Variants in SRBD1 observed in about 807,000 individuals in gnomAD.
SRBD1 encodes the protein S1 RNA-binding domain-containing protein 1.
Under a neutral mutation model 115.3 loss-of-function variants are expected in SRBD1, and 88 were observed. The ratio of observed to expected loss-of-function variants is 0.76; its 90% CI spans 0.64 to 0.91. SRBD1 has a LOEUF of 0.91. SRBD1 is among the 40% of genes least tolerant of loss of function. The pLI, the probability that SRBD1 is intolerant of heterozygous loss-of-function variation, is 0.00. For synonymous variants in SRBD1, 509 were observed against 407.7 expected, an observed-to-expected ratio of 1.25 and a Z score of -2.99; for missense variants, 1,385 against 1,177.4, an observed-to-expected ratio of 1.18 and a Z score of -2.58.
intron 14 of SRBD1, among the ~76,000 whole-genome samples, chr2:45,517,694 TTA>T (rs1180867219): frequency 6.6e-6 from 1 of 152,134 alleles, no homozygotes; most frequent in African/African-American, 2.4e-5. Context: ...TGATAACAAT[TTA>T]TGTCTAGATA....
chr2:45,486,440 G>A (rs181712699), intron 15 of SRBD1, among the ~76,000 whole-genome samples: 1 of 152,034 alleles, frequency 6.6e-6, no homozygotes, highest in Non-Finnish European at 1.5e-5. Context: ...TTTAGAAGTG[G>A]GGATAGGCTG....
intron 10 of SRBD1, among the ~76,000 whole-genome samples, chr2:45,559,939 G>A (rs1572776717): frequency 6.6e-6 from 1 of 151,948 alleles, no homozygotes; most frequent in African/African-American, 2.4e-5. Flanking sequence ...AATTTAGCTG[G>A]GTGTGGTGGT....
At position 45,432,298 on chromosome 2, in the gene SRBD1, G is replaced by C. The variant is rs186842354; in HGVS notation, c.2050-12404C>G. ...CCCACCTCAGCCTCCCAAAGTGCTG[G>C]GATTACAGGTGTGAGCCACTGCGCC... On this transcript the variant is annotated intron_variant, in intron 16 of 20. Transcript: ENST00000263736. 1.8e-3 allele frequency among the ~76,000 whole-genome samples: 268 copies of C among 152,116 alleles called. 2 individuals are homozygous for C. Among genetic ancestry groups the C allele is most frequent in the African/African-American group, 5.4e-3 (222 of 41,486 alleles).
intron 14 of SRBD1, among the ~76,000 whole-genome samples, chr2:45,537,348 C>A (rs1277132098): frequency 2.6e-5 from 4 of 152,120 alleles, no homozygotes; most frequent in African/African-American, 9.7e-5. Context: ...AATTTTTCAC[C>A]AACTGACATA....
At chr2:45,534,388 T>C (rs919871618) in intron 14 of SRBD1, among the ~76,000 whole-genome samples, 1 of 151,932 alleles carries the variant, frequency 6.6e-6, no homozygotes, top group Admixed American at 6.6e-5. Flanking sequence ...CCAGTGTTCA[T>C]AATAGTCACC....
intron 14 of SRBD1, among the ~76,000 whole-genome samples, chr2:45,533,949 T>G (rs1671688236): frequency 6.6e-6 from 1 of 151,930 alleles, no homozygotes; most frequent in South Asian, 2.1e-4. Flanking sequence ...AAACAAGAAA[T>G]GACCATCACT....
At chr2:45,549,648 C>G (rs566469668) in intron 12 of SRBD1, among the ~76,000 whole-genome samples, 1 of 130,792 alleles carries the variant, frequency 7.6e-6, no homozygotes, top group Admixed American at 9.3e-5. Context: ...CTCAGGATTT[C>G]AAGACCAGCC....
At chr2:45,430,884 C>T (rs756396525) in intron 16 of SRBD1, among the ~76,000 whole-genome samples, 30 of 152,030 alleles carry the variant, frequency 2.0e-4, no homozygotes, top group Non-Finnish European at 2.6e-4. Context: ...AAAAATTTTG[C>T]AATCTATCCA....
At chr2:45,531,619 C>A (rs1671614584) in intron 14 of SRBD1, among the ~76,000 whole-genome samples, 1 of 151,460 alleles carries the variant, frequency 6.6e-6, no homozygotes, top group Non-Finnish European at 1.5e-5. Context: ...ATATTTTTTT[C>A]TTAAGTTGGG....
chr2:45,425,403 G>T (rs750413041), intron 16 of SRBD1, among the ~76,000 whole-genome samples: 14 of 152,000 alleles, frequency 9.2e-5, no homozygotes, highest in African/African-American at 3.4e-4. Flanking sequence ...TGCACAAAGG[G>T]GTGTGTATAT....
intron 10 of SRBD1, among the ~76,000 whole-genome samples, chr2:45,557,028 A>T (rs1672501275): frequency 6.6e-6 from 1 of 152,184 alleles, no homozygotes; most frequent in South Asian, 2.1e-4. Context: ...TAGTTTGCCA[A>T]GCAAGACAAA....
chr2:45,566,251 T>G (rs1392963362), intron 9 of SRBD1, among the ~76,000 whole-genome samples: 2 of 152,158 alleles, frequency 1.3e-5, no homozygotes, highest in African/African-American at 4.8e-5. Flanking sequence ...ACACAAAAAC[T>G]TAGACACGAA....
chr2:45,552,079 C>G (rs6710581), intron 11 of SRBD1, among the ~76,000 whole-genome samples: 1 of 151,928 alleles, frequency 6.6e-6, no homozygotes, highest in African/African-American at 2.4e-5. Flanking sequence ...CAATGTAGAA[C>G]TGATGACAGA....
intron 16 of SRBD1, among the ~76,000 whole-genome samples, chr2:45,435,700 C>A (rs1284439221): frequency 6.6e-6 from 1 of 152,116 alleles, no homozygotes; most frequent in Non-Finnish European, 1.5e-5. Context: ...CCCGGATACT[C>A]TGCTGATACC....
chr2:45,609,232 T>C (rs1048066985), intron 1 of SRBD1, among the ~76,000 whole-genome samples: 2 of 152,200 alleles, frequency 1.3e-5, no homozygotes, highest in African/African-American at 4.8e-5. Context: ...AATGAACACA[T>C]TATCATCCTC....
intron 19 of SRBD1, among the ~76,000 whole-genome samples, chr2:45,405,730 A>C (rs1296903055): frequency 7.8e-6 from 1 of 127,558 alleles, no homozygotes; most frequent in Non-Finnish European, 1.7e-5. Flanking sequence ...GTAAGTTGAT[A>C]GTGTCAAATG....
intron 10 of SRBD1, among the ~76,000 whole-genome samples, chr2:45,554,668 C>T (rs1371140282): frequency 3.9e-5 from 6 of 152,032 alleles, no homozygotes; most frequent in Non-Finnish European, 8.8e-5. Flanking sequence ...CTCACTGAAA[C>T]GGTCCCTATA....
At chr2:45,482,057 G>T (rs1669982586) in intron 15 of SRBD1, among the ~76,000 whole-genome samples, 1 of 152,084 alleles carries the variant, frequency 6.6e-6, no homozygotes, top group Admixed American at 6.6e-5. Context: ...GTGCAACTCT[G>T]ACTATACTAG....
intron 16 of SRBD1, chr2:45,448,099 TG>T (rs1330087401): frequency 1.3e-5 from 2 of 152,186 alleles, no homozygotes. Flanking sequence ...AGATTATTAC[TG>T]GTTAAAGACT....
Sources: gnomAD v4.1 joint callset for allele counts (sites outside exome capture counted in the v4.1 genomes callset) on GRCh38, gnomAD v4.1.1 for gene constraint, MANE v1.5 for transcripts, NCBI Gene and HGNC (gene_info 2026-07-23, HGNC 2026-07-21) for gene names.